The following PRKG1 variants were observed in gnomAD, a reference collection of about 807,000 sequenced individuals.
PRKG1 encodes cGMP-dependent protein kinase 1.
A neutral mutation model predicts 88.1 loss-of-function variants in PRKG1; 35 were observed. That is an observed-to-expected ratio of 0.40 (90% CI 0.30 to 0.53). The LOEUF is 0.53. Ranked by LOEUF, PRKG1 falls within the 20% of genes least tolerant of loss-of-function variation. The pLI is 0.59. For missense variants in PRKG1, 540 were observed against 839.8 expected, an observed-to-expected ratio of 0.64 and a Z score of 4.41; for synonymous variants, 303 against 292.5, an observed-to-expected ratio of 1.04 and a Z score of -0.37.
intron 2 of PRKG1, among the ~76,000 whole-genome samples, chr10:51,330,236 C>T (rs1350947979): frequency 6.6e-6 from 1 of 151,070 alleles, no homozygotes; most frequent in Non-Finnish European, 1.5e-5. Context: ...CTGCAACCTC[C>T]ACCTCCTGAG....
intron 3 of PRKG1, among the ~76,000 whole-genome samples, chr10:51,554,331 CAT>C (rs1208907981): frequency 8.0e-6 from 1 of 124,950 alleles, no homozygotes; most frequent in Non-Finnish European, 1.7e-5. Flanking sequence ...TATATACACA[CAT>C]ATATTATATA....
rs770356379 is a variant in PRKG1, at chr10:52,298,296, T to A, written c.*4396T>A. Reference sequence around the variant, plus strand: ...GTATTTTTCCTGCAGCTGTAATTGCTGAGTGCCTGTTGTATACTTTATAGA... The same window carrying A: ...GTATTTTTCCTGCAGCTGTAATTGCAGAGTGCCTGTTGTATACTTTATAGA... On this transcript the variant is annotated 3_prime_UTR_variant, in exon 18 of 18. Coordinates refer to ENST00000373980, the MANE Select transcript of PRKG1 (RefSeq NM_006258.4). 3 of 151,692 alleles carry A rather than the reference T, an allele frequency of 2.0e-5. No individual in the cohort carries two copies. The highest frequency in any genetic ancestry group is 4.4e-5 in the Non-Finnish European group (3 of 67,988). 9.4% of individuals were successfully genotyped at this position (151,692 alleles called of 1,614,324 possible).
intron 3 of PRKG1, among the ~76,000 whole-genome samples, chr10:51,513,079 T>C (rs1278785621): frequency 2.6e-5 from 4 of 151,938 alleles, no homozygotes; most frequent in Non-Finnish European, 5.9e-5. Flanking sequence ...GAGTTCATTG[T>C]AGATTCTGGA....
At chr10:51,186,077 C>T (rs1380414848) in intron 2 of PRKG1, among the ~76,000 whole-genome samples, 1 of 151,662 alleles carries the variant, frequency 6.6e-6, no homozygotes, top group East Asian at 1.9e-4. Context: ...CTGAATAAAT[C>T]TTTTTGTATC....
intron 3 of PRKG1, among the ~76,000 whole-genome samples, chr10:51,562,877 T>G (rs913392514): frequency 8.5e-5 from 13 of 152,242 alleles, no homozygotes; most frequent in Admixed American, 5.9e-4. Context: ...CCAGTGATCC[T>G]TTCACCTCAG....
At chr10:51,971,813 G>A (rs1398376405) in intron 5 of PRKG1, among the ~76,000 whole-genome samples, 3 of 152,094 alleles carry the variant, frequency 2.0e-5, no homozygotes, top group Non-Finnish European at 2.9e-5. Context: ...TGCTGATTGA[G>A]TGTTCAGCCT....
chr10:52,166,787 C>CTATATATATATATATATG (rs201538311), intron 9 of PRKG1, among the ~76,000 whole-genome samples: 1 of 12,446 alleles, frequency 8.0e-5, no homozygotes, highest in African/African-American at 1.0e-4. Flanking sequence ...ATAAAAAAGC[C>CTATATATATATATATATG]TATATATATA....
chr10:51,238,557 T>A (rs1208996547), intron 2 of PRKG1, among the ~76,000 whole-genome samples: 2 of 122,500 alleles, frequency 1.6e-5, no homozygotes, highest in African/African-American at 6.2e-5. Flanking sequence ...ACTCCAGCCT[T>A]GGCAACAAGA....
intron 3 of PRKG1, among the ~76,000 whole-genome samples, chr10:51,601,618 C>A (rs979756489): frequency 6.6e-6 from 1 of 151,182 alleles, no homozygotes; most frequent in Admixed American, 6.6e-5. Context: ...TCAAAGTGAG[C>A]ATGTGACCCT....
chr10:52,009,368 A>G (rs1844824145), intron 5 of PRKG1, among the ~76,000 whole-genome samples: 1 of 152,108 alleles, frequency 6.6e-6, no homozygotes, highest in South Asian at 2.1e-4. Flanking sequence ...TGTCATTCCT[A>G]TGCACCAACA....
chr10:52,219,151 A>G (rs951459837), intron 9 of PRKG1, among the ~76,000 whole-genome samples: 2 of 152,184 alleles, frequency 1.3e-5, no homozygotes, highest in Non-Finnish European at 2.9e-5. Context: ...TGGGTCATAA[A>G]ACATTTACGT....
chr10:52,033,880 G>C (rs1424013077), intron 5 of PRKG1, among the ~76,000 whole-genome samples: 1 of 151,850 alleles, frequency 6.6e-6, no homozygotes, highest in Non-Finnish European at 1.5e-5. Context: ...ATAGGGGTGG[G>C]GCCGTTTTAT....
intron 7 of PRKG1, among the ~76,000 whole-genome samples, chr10:52,133,041 TAGTC>T (rs1837309144): frequency 6.6e-6 from 1 of 152,100 alleles, no homozygotes; most frequent in African/African-American, 2.4e-5. Flanking sequence ...AGTTAAGTCT[TAGTC>T]ATTCTTTCTA....
At chr10:51,905,330 C>T (rs1842062892) in intron 4 of PRKG1, among the ~76,000 whole-genome samples, 1 of 152,098 alleles carries the variant, frequency 6.6e-6, no homozygotes, top group Non-Finnish European at 1.5e-5. Flanking sequence ...CATCAATAAG[C>T]CTTACCCTAA....
intron 2 of PRKG1, among the ~76,000 whole-genome samples, chr10:51,467,405 A>G (rs1839931740): frequency 6.6e-6 from 1 of 151,976 alleles, no homozygotes; most frequent in African/African-American, 2.4e-5. Flanking sequence ...CAGATTCAAA[A>G]TTACGTTAAA....
At chr10:52,037,937 T>C (rs553346412) in intron 5 of PRKG1, among the ~76,000 whole-genome samples, 13 of 152,078 alleles carry the variant, frequency 8.5e-5, no homozygotes, top group African/African-American at 3.1e-4. Context: ...AGATTTGGGA[T>C]GAGTGGCACT....
chr10:51,170,491 A>C (rs1433398426), intron 2 of PRKG1, among the ~76,000 whole-genome samples: 1 of 151,392 alleles, frequency 6.6e-6, no homozygotes, highest in Non-Finnish European at 1.5e-5. Context: ...AATAATGGCT[A>C]TGAAAACCAA....
chr10:52,021,369 T>C (rs180962468), intron 5 of PRKG1, among the ~76,000 whole-genome samples: 101 of 152,288 alleles, frequency 6.6e-4, no homozygotes, highest in African/African-American at 2.2e-3. Flanking sequence ...CTTGGGCCAT[T>C]CAAAGGTATC....
chr10:52,244,039 A>G (rs946731862), intron 9 of PRKG1, among the ~76,000 whole-genome samples: 1 of 152,120 alleles, frequency 6.6e-6, no homozygotes, highest in Non-Finnish European at 1.5e-5. Context: ...GTAAATTGAT[A>G]TAATGAAATA....
Sources: allele counts gnomAD v4.1 joint callset (sites outside exome capture counted in the v4.1 genomes callset), GRCh38; gene constraint gnomAD v4.1.1; transcripts MANE v1.5; gene names NCBI Gene and HGNC (gene_info 2026-07-23, HGNC 2026-07-21).